DLC1: variants seen among roughly 807,000 people sequenced by gnomAD.
DLC1 encodes DLC1 Rho GTPase activating protein.
A neutral mutation model predicts 140.3 loss-of-function variants in DLC1; 54 were observed. The observed-to-expected ratio is 0.38, with a 90% CI of 0.31 to 0.48. DLC1 has a LOEUF of 0.48. Among genes scored for constraint, DLC1 ranks in the 20% least tolerant of loss-of-function variants. The pLI, the probability that DLC1 is intolerant of heterozygous loss-of-function variation, is 0.96. For missense variants in DLC1, 2,536 were observed against 1,907.0 expected, an observed-to-expected ratio of 1.33 and a Z score of -6.14; for synonymous variants, 986 against 728.1, an observed-to-expected ratio of 1.35 and a Z score of -5.70.
chr8:13,587,089 C>CAT (rs1456026742), intron 1 of DLC1, among the ~76,000 whole-genome samples: 1 of 151,004 alleles, frequency 6.6e-6, no homozygotes, highest in East Asian at 2.0e-4. Context: ...CACACACACA[C>CAT]ACACACACAC....
In DLC1 at chr8:13,092,717, G is replaced by T; in HGVS notation, c.3635C>A (p.Thr1212Lys). The T allele has an allele frequency of 6.2e-7, 1 of 1,614,162 alleles. No homozygotes were observed. The highest frequency in any genetic ancestry group is 1.1e-5 in the South Asian group (1 of 91,078). The change falls in exon 13 of 18, where the codon ACA becomes AAA. Residue 1212 changes from threonine to lysine, a missense_variant. Physicochemically the swap from Thr to Lys is moderately conservative, Grantham distance 78 (BLOSUM62 -1). Transcript: ENST00000276297. Reference protein sequence around the residue: ...QTLLYFLSDVTAAVKENQMTP... With the variant: ...QTLLYFLSDVKAAVKENQMTP... ...CATCTGGTTTTCTTTTACGGCTGCTGTGACATCGCTCAGGAAATAAAGCAG... is the reference window on the plus strand; with the variant it reads ...CATCTGGTTTTCTTTTACGGCTGCTTTGACATCGCTCAGGAAATAAAGCAG...
intron 5 of DLC1, among the ~76,000 whole-genome samples, chr8:13,184,740 A>C (rs1826246645): frequency 6.6e-6 from 1 of 152,104 alleles, no homozygotes; most frequent in Non-Finnish European, 1.5e-5. Flanking sequence ...TTTTAGAATA[A>C]GTGTGATGTG....
At chr8:13,121,211 C>T (rs1311543778) in intron 5 of DLC1, among the ~76,000 whole-genome samples, 2 of 152,152 alleles carry the variant, frequency 1.3e-5, no homozygotes, top group South Asian at 4.1e-4. Context: ...AAAGTTGATG[C>T]TTTTATTGCT....
intron 2 of DLC1, among the ~76,000 whole-genome samples, chr8:13,473,263 A>C (rs1214489851): frequency 6.6e-6 from 1 of 152,124 alleles, no homozygotes; most frequent in Non-Finnish European, 1.5e-5. Context: ...CTCATGTTTA[A>C]TTCCCACATG....
intron 5 of DLC1, among the ~76,000 whole-genome samples, chr8:13,281,251 G>A (rs544599075): frequency 1.3e-5 from 2 of 152,300 alleles, no homozygotes; most frequent in East Asian, 3.9e-4. Flanking sequence ...GGAACCCTAA[G>A]GATCCACTGA....
In DLC1 at chr8:13,085,789, A is replaced by T. The variant is rs752914685; in HGVS notation, c.*22T>A. ...TAGAAACAAACACCATGGTGGTGGA[A>T]GCGGTTGCGTTGCTTCAGTGATCAC... On this transcript the variant is annotated 3_prime_UTR_variant, in exon 18 of 18. Transcript: ENST00000276297. 3 of 1,614,010 alleles carry T rather than the reference A, an allele frequency of 1.9e-6. No individual in the cohort carries two copies. The highest frequency in any genetic ancestry group is 2.5e-6 in the Non-Finnish European group (3 of 1,179,924).
intron 4 of DLC1, among the ~76,000 whole-genome samples, chr8:13,318,234 A>C (rs1028179956): frequency 6.7e-6 from 1 of 148,724 alleles, no homozygotes; most frequent in African/African-American, 2.5e-5. Context: ...GAGTCTTGCT[A>C]TATTTTCCAG....
At chr8:13,127,273 G>C (rs1285427198) in intron 5 of DLC1, among the ~76,000 whole-genome samples, 1 of 152,144 alleles carries the variant, frequency 6.6e-6, no homozygotes, top group Admixed American at 6.5e-5. Context: ...CCTTCATTTT[G>C]TTTAGACATG....
rs1173268895 is a variant in DLC1, at chr8:13,468,753, T to G, written c.1023+30296A>C. ...TTGACATATTCATTTATCTGTAGAG[T>G]TTTCAAATCAAAGGATTGGCTTTTT... is the stretch of plus-strand genomic sequence containing the variant. On this transcript the variant is annotated intron_variant, in intron 2 of 17. Coordinates refer to ENST00000276297, the MANE Select transcript of DLC1 (RefSeq NM_182643.3). Among the ~76,000 whole-genome samples the G allele has an allele frequency of 7.9e-5, 12 of 151,372 alleles. No individual in the cohort carries two copies. The Admixed American group carries it at 7.9e-4, about 10-fold the overall frequency.
intron 5 of DLC1, among the ~76,000 whole-genome samples, chr8:13,251,756 G>A (rs1031168408): frequency 1.3e-5 from 2 of 152,066 alleles, no homozygotes; most frequent in Non-Finnish European, 2.9e-5. Context: ...TCTTTAAAAT[G>A]GGGGATAATC....
At chr8:13,533,492 G>T (rs1012175757) in intron 1 of DLC1, among the ~76,000 whole-genome samples, 2 of 152,122 alleles carry the variant, frequency 1.3e-5, no homozygotes, top group African/African-American at 4.8e-5. Flanking sequence ...TATGTAGCAT[G>T]TTGTAATTTT....
chr8:13,450,452 CAAAAA>C (rs759911909), intron 2 of DLC1, among the ~76,000 whole-genome samples: 1 of 53,370 alleles, frequency 1.9e-5, no homozygotes, highest in African/African-American at 7.6e-5. Flanking sequence ...GAGACTGTCT[CAAAAA>C]AAAAAAAAAA....
intron 5 of DLC1, among the ~76,000 whole-genome samples, chr8:13,264,052 T>TTTTATTTATTTATTTA (rs3065458): frequency 0.25 from 35,195 of 142,884 alleles, 4,688 homozygotes; most frequent in South Asian, 0.3. Flanking sequence ...ATAAGAAGCT[T>TTTTATTTATTTATTTA]TTTATTTATT....
intron 5 of DLC1, chr8:13,276,770 T>C (rs2117407186): frequency 4.5e-6 from 1 of 222,814 alleles, no homozygotes; most frequent in Admixed American, 6.3e-5. Context: ...ACCTCGCGTT[T>C]TCAAAGGGAA....
chr8:13,435,391 G>A (rs528046430), intron 2 of DLC1, among the ~76,000 whole-genome samples: 4 of 152,184 alleles, frequency 2.6e-5, no homozygotes, highest in South Asian at 4.2e-4. Context: ...TCGGCTCACT[G>A]CAAACTCCAC....
At chr8:13,392,424 C>A (rs1008085410) in intron 4 of DLC1, among the ~76,000 whole-genome samples, 1 of 152,070 alleles carries the variant, frequency 6.6e-6, no homozygotes, top group Non-Finnish European at 1.5e-5. Context: ...TTAAGCCATG[C>A]GTATCTGTCA....
At chr8:13,127,585 T>G (rs1307082960) in intron 5 of DLC1, among the ~76,000 whole-genome samples, 1 of 152,210 alleles carries the variant, frequency 6.6e-6, no homozygotes, top group African/African-American at 2.4e-5. Context: ...CATCTTCTAT[T>G]TTGTCACTTG....
chr8:13,518,764 G>C (rs186312619), upstream of DLC1, among the ~76,000 whole-genome samples: 9 of 152,238 alleles, frequency 5.9e-5, no homozygotes, highest in East Asian at 1.9e-4. Context: ...TACCTTGAAA[G>C]TATTTTGAAA....
chr8:13,134,703 A>G (rs764649185), intron 5 of DLC1, among the ~76,000 whole-genome samples: 5 of 152,138 alleles, frequency 3.3e-5, no homozygotes, highest in Non-Finnish European at 7.4e-5. Context: ...TCACACCTGT[A>G]ATCCTAGCGC....
Sources: gnomAD v4.1 joint callset for allele counts (sites outside exome capture counted in the v4.1 genomes callset) on GRCh38, gnomAD v4.1.1 for gene constraint, MANE v1.5 for transcripts, NCBI Gene and HGNC (gene_info 2026-07-23, HGNC 2026-07-21) for gene names.